Variants in CDKAL1 observed in about 807,000 individuals in gnomAD.
CDKAL1 encodes the protein threonylcarbamoyladenosine tRNA methylthiotransferase.
In CDKAL1, 32 loss-of-function variants were observed where a neutral mutation model predicts 68.2. That is an observed-to-expected ratio of 0.47 (90% confidence interval 0.35 to 0.63). The LOEUF is 0.63. Ranked by LOEUF, CDKAL1 falls within the 30% of genes least tolerant of loss-of-function variation. The pLI, the probability that CDKAL1 is intolerant of heterozygous loss-of-function variation, is 0.00. For missense variants in CDKAL1, 606 were observed against 696.7 expected (o/e 0.87, Z 1.47); for synonymous variants, 234 against 244.3 (o/e 0.96, Z 0.39).
chr6:20,965,848 T>G (rs2150745444), intron 10 of CDKAL1, among the ~76,000 whole-genome samples: 1 of 152,310 alleles, frequency 6.6e-6, no homozygotes, highest in East Asian at 1.9e-4. Context: ...TCAGTTATGC[T>G]CAAACCATTG....
intron 7 of CDKAL1, among the ~76,000 whole-genome samples, chr6:20,769,917 C>G (rs752659688): frequency 6.6e-6 from 1 of 152,226 alleles, no homozygotes; most frequent in East Asian, 1.9e-4. Context: ...TTCTGTGAAG[C>G]TGTTAATATT....
chr6:20,866,635 T>G (rs571583679), intron 9 of CDKAL1, among the ~76,000 whole-genome samples: 28 of 152,328 alleles, frequency 1.8e-4, no homozygotes, highest in Middle Eastern at 3.4e-3. Context: ...TCATTAGAGT[T>G]GTGTCCATCG....
intron 4 of CDKAL1, among the ~76,000 whole-genome samples, chr6:20,560,211 G>A (rs767360079): frequency 3.3e-5 from 5 of 152,104 alleles, no homozygotes; most frequent in Non-Finnish European, 4.4e-5. Context: ...ATTATTAGGC[G>A]TCATTAAATT....
intron 12 of CDKAL1, among the ~76,000 whole-genome samples, chr6:21,079,883 G>A (rs1319569499): frequency 4.0e-5 from 6 of 151,628 alleles, no homozygotes; most frequent in Non-Finnish European, 2.9e-5. Flanking sequence ...CTACTTGCCA[G>A]TTACAGGATT....
At chr6:20,604,462 A>C (rs1218163862) in intron 4 of CDKAL1, among the ~76,000 whole-genome samples, 1 of 152,224 alleles carries the variant, frequency 6.6e-6, no homozygotes, top group Non-Finnish European at 1.5e-5. Flanking sequence ...GGCTAGTAGC[A>C]TATTCTGCAT....
intron 5 of CDKAL1, among the ~76,000 whole-genome samples, chr6:20,657,372 G>A (rs542933728): frequency 1.6e-4 from 24 of 152,160 alleles, no homozygotes; most frequent in Non-Finnish European, 3.4e-4. Flanking sequence ...CAGCAGTGGG[G>A]TGGGACCTGT....
intron 5 of CDKAL1, among the ~76,000 whole-genome samples, chr6:20,665,339 A>T (rs1769483288): frequency 6.7e-6 from 1 of 148,336 alleles, no homozygotes; most frequent in African/African-American, 2.4e-5. Context: ...GGAAAAAAAG[A>T]AAAAATTGTT....
chr6:20,955,192 A>G (rs1764720315), intron 9 of CDKAL1, among the ~76,000 whole-genome samples: 1 of 152,208 alleles, frequency 6.6e-6, no homozygotes, highest in South Asian at 2.1e-4. Context: ...TAATCACTTC[A>G]TAGGACACAC....
chr6:20,894,058 A>T (rs1296594790), intron 9 of CDKAL1, among the ~76,000 whole-genome samples: 1 of 152,340 alleles, frequency 6.6e-6, no homozygotes, highest in South Asian at 2.1e-4. Flanking sequence ...TGTGCTGAGT[A>T]CATTTTAATC....
chr6:21,149,425 C>T (rs1308667833), intron 13 of CDKAL1, among the ~76,000 whole-genome samples: 1 of 152,166 alleles, frequency 6.6e-6, no homozygotes, highest in South Asian at 2.1e-4. Flanking sequence ...GGATTACAGG[C>T]ATGAACCACC....
intron 9 of CDKAL1, among the ~76,000 whole-genome samples, chr6:20,934,862 CA>C (rs1763627118): frequency 6.6e-6 from 1 of 151,208 alleles, no homozygotes; most frequent in East Asian, 1.9e-4. Context: ...AGAAACAAAG[CA>C]AAACCCTGTA....
chr6:20,814,266 T>C (rs949584484), intron 8 of CDKAL1, among the ~76,000 whole-genome samples: 5 of 152,212 alleles, frequency 3.3e-5, no homozygotes, highest in Non-Finnish European at 4.4e-5. Context: ...AATGTTAACA[T>C]TGTATTCTCC....
chr6:20,562,377 T>A (rs980340099), intron 4 of CDKAL1, among the ~76,000 whole-genome samples: 7 of 152,142 alleles, frequency 4.6e-5, no homozygotes, highest in Non-Finnish European at 1.0e-4. Context: ...GAATGCTATT[T>A]ACTCTTGAGG....
At chr6:20,665,230 C>T (rs1027732225) in intron 5 of CDKAL1, among the ~76,000 whole-genome samples, 1 of 151,962 alleles carries the variant, frequency 6.6e-6, no homozygotes, top group Admixed American at 6.6e-5. Flanking sequence ...TGCAACGTAC[C>T]CTTTATTATA....
intron 2 of CDKAL1, among the ~76,000 whole-genome samples, chr6:20,541,199 C>G (rs1763374938): frequency 6.6e-6 from 1 of 152,116 alleles, no homozygotes; most frequent in South Asian, 2.1e-4. Flanking sequence ...TAACCTGGTT[C>G]ATTTCACCCT....
In CDKAL1 at chr6:20,822,519, C is replaced by T. The variant is rs192030591; in HGVS notation, c.639-23556C>T. On this transcript the variant is annotated intron_variant, in intron 8 of 15. Transcript: ENST00000274695. Reference sequence around the variant, plus strand: ...CACAGCACCAGGCCAGAGTGGCAAACAGCATCGTTTTCTTTGGCTCAGCGA... The same window carrying T: ...CACAGCACCAGGCCAGAGTGGCAAATAGCATCGTTTTCTTTGGCTCAGCGA... 2.4e-3 allele frequency among the ~76,000 whole-genome samples: 363 copies of T among 152,258 alleles called. 2 individuals are homozygous for T. Among genetic ancestry groups the T allele is most frequent in the Admixed American group, 3.7e-3 (56 of 15,280 alleles).
In CDKAL1 at chr6:20,818,670, C is replaced by T. The variant is rs1056761439; in HGVS notation, c.639-27405C>T. ...GTTTTGTTAGGACAGATACATTAAT[C>T]TTAAGTAAACATTTAAGAATTTATA... On this transcript the variant is annotated intron_variant, in intron 8 of 15. Transcript: ENST00000274695. Among the ~76,000 whole-genome samples the T allele has an allele frequency of 5.3e-5, 8 of 151,074 alleles. No individual in the cohort carries two copies. The South Asian group carries it at 1.3e-3, about 24-fold the overall frequency.
At chr6:20,772,429 A>T (rs1384182812) in intron 7 of CDKAL1, among the ~76,000 whole-genome samples, 2 of 152,210 alleles carry the variant, frequency 1.3e-5, no homozygotes, top group African/African-American at 4.8e-5. Flanking sequence ...AATTGACACC[A>T]CATAAGTCTA....
intron 12 of CDKAL1, among the ~76,000 whole-genome samples, 153 bp from the exon 13 acceptor site, chr6:21,108,248 G>T: frequency 6.9e-6 from 1 of 145,514 alleles, no homozygotes. Flanking sequence ...GCACCCCTGT[G>T]TCTTCTCAGC....
Sources: gnomAD v4.1 joint callset for allele counts (sites outside exome capture counted in the v4.1 genomes callset) on GRCh38, gnomAD v4.1.1 for gene constraint, MANE v1.5 for transcripts, NCBI Gene and HGNC (gene_info 2026-07-23, HGNC 2026-07-21) for gene names.